Variants in ANKFN1 observed in about 807,000 individuals in gnomAD.
ANKFN1 encodes ankyrin repeat and fibronectin type-III domain-containing protein 1.
In ANKFN1, 74 loss-of-function variants were observed where a neutral mutation model predicts 108.7. That is an observed-to-expected ratio of 0.68 (90% CI 0.56 to 0.83). ANKFN1 has a LOEUF of 0.83. ANKFN1 is among the 40% of genes least tolerant of loss of function. ANKFN1 has a pLI of 0.00. For missense variants in ANKFN1, 1,505 were observed against 1,382.3 expected, an observed-to-expected ratio of 1.09 and a Z score of -1.41; for synonymous variants, 547 against 516.2, an observed-to-expected ratio of 1.06 and a Z score of -0.81.
chr17:56,475,059 G>T (rs777740418), intron 15 of ANKFN1, among the ~76,000 whole-genome samples: 1 of 152,118 alleles, frequency 6.6e-6, no homozygotes, highest in South Asian at 2.1e-4. Flanking sequence ...TCTGTTTAAG[G>T]CATCTGTCCT....
At chr17:56,124,255 G>A (rs980557483) in intron 4 of ANKFN1, among the ~76,000 whole-genome samples, 2 of 152,156 alleles carry the variant, frequency 1.3e-5, no homozygotes, top group African/African-American at 4.8e-5. Context: ...AATATAATGT[G>A]TGTGAATTTC....
chr17:56,483,272 G>A (rs1347237699), intron 18 of ANKFN1, among the ~76,000 whole-genome samples: 1 of 152,160 alleles, frequency 6.6e-6, no homozygotes, highest in Non-Finnish European at 1.5e-5. Context: ...GCTTCATCTT[G>A]TAACAGGCCA....
chr17:56,377,110 G>A (rs2046967651), intron 8 of ANKFN1, among the ~76,000 whole-genome samples: 2 of 152,286 alleles, frequency 1.3e-5, no homozygotes, highest in Non-Finnish European at 2.9e-5. Flanking sequence ...TTTAGGGTTT[G>A]GCAAAAACAT....
intron 16 of ANKFN1, among the ~76,000 whole-genome samples, chr17:56,480,373 ACAGT>A (rs1173256220): frequency 6.6e-6 from 1 of 152,156 alleles, no homozygotes; most frequent in East Asian, 1.9e-4. Context: ...AAAAATGAAG[ACAGT>A]CAGGAAATTA....
At chr17:56,166,017 T>G (rs1910102436) in intron 1 of ANKFN1, among the ~76,000 whole-genome samples, 1 of 152,178 alleles carries the variant, frequency 6.6e-6, no homozygotes, top group South Asian at 2.1e-4. Flanking sequence ...ATCATTTCAA[T>G]GCAATCTCCC....
intron 3 of ANKFN1, among the ~76,000 whole-genome samples, chr17:56,269,196 T>C (rs1339536708): frequency 6.6e-6 from 1 of 152,194 alleles, no homozygotes; most frequent in Non-Finnish European, 1.5e-5. Context: ...CATGCTGACT[T>C]TGAACTCTTC....
Position 56,236,696 on chromosome 17 carries a change from T to C in ANKFN1, c.53+8739T>C, listed in dbSNP as rs369611079. On this transcript the variant is annotated intron_variant, in intron 3 of 20. Transcript: ENST00000682825. Reference sequence around the variant, plus strand: ...ATGCCCTTTATTTCTTTCTGTTGCCTGATTGCTCTGGCCAGGACTTCCAAT... The same window carrying C: ...ATGCCCTTTATTTCTTTCTGTTGCCCGATTGCTCTGGCCAGGACTTCCAAT... Among the ~76,000 whole-genome samples the C allele has an allele frequency of 1.6e-4, 25 of 152,336 alleles. No individual in the cohort carries two copies. The East Asian group carries it at 3.5e-3, about 21-fold the overall frequency.
intron 8 of ANKFN1, among the ~76,000 whole-genome samples, chr17:56,411,225 G>A (rs1392827668): frequency 6.6e-6 from 1 of 152,076 alleles, no homozygotes; most frequent in Non-Finnish European, 1.5e-5. Flanking sequence ...ACCTTGGTTA[G>A]ATTTACTGCT....
chr17:56,404,620 C>T (rs1158838748), intron 8 of ANKFN1, among the ~76,000 whole-genome samples: 5 of 152,108 alleles, frequency 3.3e-5, no homozygotes, highest in African/African-American at 4.8e-5. Context: ...GGTGACTCTC[C>T]GATTAGCTTA....
intron 8 of ANKFN1, among the ~76,000 whole-genome samples, chr17:56,391,259 G>A (rs1274426635): frequency 1.5e-5 from 2 of 135,096 alleles, no homozygotes; most frequent in African/African-American, 5.7e-5. Context: ...GTATGTGTGT[G>A]TGTGTGTGTA....
chr17:56,254,839 C>T (rs534247531), intron 3 of ANKFN1, among the ~76,000 whole-genome samples: 1 of 152,290 alleles, frequency 6.6e-6, no homozygotes, highest in African/African-American at 2.4e-5. Context: ...AGTGAAGGAC[C>T]TGTGCTCTAG....
At chr17:56,170,807 T>TACACACACAC (rs112596144) in intron 1 of ANKFN1, among the ~76,000 whole-genome samples, 24 of 61,444 alleles carry the variant, frequency 3.9e-4, no homozygotes, top group African/African-American at 1.4e-3. Context: ...TATATATATA[T>TACACACACAC]ACACACACAC....
At chr17:56,050,830 A>C (rs1256038849) in intron 4 of ANKFN1, among the ~76,000 whole-genome samples, 5 of 152,002 alleles carry the variant, frequency 3.3e-5, no homozygotes, top group African/African-American at 9.7e-5. Flanking sequence ...GAAATGGATA[A>C]ATTCCTCGAC....
intron 4 of ANKFN1, among the ~76,000 whole-genome samples, chr17:56,056,872 ACT>A (rs1472798235): frequency 1.3e-5 from 2 of 152,112 alleles, no homozygotes; most frequent in Non-Finnish European, 2.9e-5. Flanking sequence ...TTTGACTTTG[ACT>A]CTCTTTCGCA....
chr17:56,122,596 A>G, intron 4 of ANKFN1, among the ~76,000 whole-genome samples: 1 of 151,476 alleles, frequency 6.6e-6, no homozygotes, highest in Non-Finnish European at 1.5e-5. Context: ...TTCATCCCCT[A>G]CTCCCTTCTT....
At chr17:56,202,146 G>C (rs1472222351) in intron 1 of ANKFN1, among the ~76,000 whole-genome samples, 1 of 152,188 alleles carries the variant, frequency 6.6e-6, no homozygotes, top group African/African-American at 2.4e-5. Flanking sequence ...ATATACAACA[G>C]AGCAGCGGGA....
intron 3 of ANKFN1, among the ~76,000 whole-genome samples, chr17:56,260,509 C>T (rs1037472013): frequency 1.3e-5 from 2 of 152,008 alleles, no homozygotes; most frequent in Non-Finnish European, 2.9e-5. Context: ...TAAAAGGAGG[C>T]CATACTTCTC....
At chr17:56,328,986 G>A (rs995837930) in intron 4 of ANKFN1, among the ~76,000 whole-genome samples, 8 of 152,124 alleles carry the variant, frequency 5.3e-5, no homozygotes, top group Non-Finnish European at 1.0e-4. Flanking sequence ...GCTCTCATGG[G>A]GTAATTTTTT....
chr17:56,249,386 A>G (rs2043185640), intron 3 of ANKFN1, among the ~76,000 whole-genome samples: 1 of 151,990 alleles, frequency 6.6e-6, no homozygotes, highest in African/African-American at 2.4e-5. Flanking sequence ...GTAAGCCAAG[A>G]TCGCCCCACT....
Sources: allele counts gnomAD v4.1 joint callset (sites outside exome capture counted in the v4.1 genomes callset), GRCh38; gene constraint gnomAD v4.1.1; transcripts MANE v1.5; gene names NCBI Gene and HGNC (gene_info 2026-07-23, HGNC 2026-07-21).